ABHD10: variants seen among roughly 807,000 people sequenced by gnomAD.
ABHD10 encodes the protein palmitoyl-protein thioesterase ABHD10, mitochondrial.
A neutral mutation model predicts 33.1 loss-of-function variants in ABHD10; 22 were observed. The observed-to-expected ratio is 0.66, with a 90% CI of 0.47 to 0.95. The LOEUF (loss-of-function observed/expected upper bound fraction) is 0.95, where lower values mean the gene tolerates loss of function less well. Among genes scored for constraint, ABHD10 ranks in the 40% least tolerant of loss-of-function variants. ABHD10 has a pLI of 0.00. For synonymous variants in ABHD10, 146 were observed against 133.9 expected (o/e 1.09, Z -0.62); for missense variants, 352 against 379.9 (o/e 0.93, Z 0.61).
intron 4 of ABHD10, chr3:111,990,829 C>A (rs1018395390): frequency 5.1e-6 from 4 of 778,046 alleles, no homozygotes; most frequent in East Asian, 6.7e-5. Flanking sequence ...TCTCTTCTTT[C>A]CCTATGCCAT....
chr3:111,980,331 A>G (rs1166414599), intron 1 of ABHD10, among the ~76,000 whole-genome samples: 1 of 152,224 alleles, frequency 6.6e-6, no homozygotes, highest in South Asian at 2.1e-4. Flanking sequence ...CTTTGAAACA[A>G]GCTTTTATGT....
Position 111,987,056 on chromosome 3 carries a change from G to A in ABHD10, c.576+5G>A. 1 of 1,611,516 alleles carries A rather than the reference G, an allele frequency of 6.2e-7. No individual in the cohort carries two copies. Among genetic ancestry groups the A allele is most frequent in the Non-Finnish European group, 8.5e-7 (1 of 1,179,556 alleles). On this transcript the variant is annotated splice_donor_5th_base_variant and intron_variant, in intron 4 of 4. Coordinates refer to ENST00000273359, the MANE Select transcript of ABHD10 (RefSeq NM_018394.4). The stretch of plus-strand genomic sequence containing the variant: ...TTTAATCAGCTTCCTGTTGAGGTAA[G>A]TCAAAAGTCACTTTTGCCACCTCAA...
rs770493280 is a variant in ABHD10 at position 111,986,998 on chromosome 3, G to A, written c.523G>A (p.Val175Ile). The change falls in exon 4 of 5, where the codon GTA becomes ATA. Residue 175 changes from valine to isoleucine, a missense_variant. By Grantham distance (29) the Val-to-Ile change is conservative. Transcript: ENST00000273359. ...RPEKVVALIG[V>I]ATAADTLVTK... ...AGAGAAGGTCGTGGCTCTTATTGGT[G>A]TAGCTACAGCTGCAGATACCTTAGT... The A allele has an allele frequency of 6.2e-6, 10 of 1,613,142 alleles. No homozygotes were observed. The highest frequency in any genetic ancestry group is 1.7e-5 in the Admixed American group (1 of 59,750).
At position 111,981,426 on chromosome 3, in the gene ABHD10, G is replaced by C. The variant is rs576311022; in HGVS notation, c.143-358G>C. On this transcript the variant is annotated intron_variant, in intron 1 of 4. Coordinates refer to ENST00000273359, the MANE Select transcript of ABHD10 (RefSeq NM_018394.4). ...ACAAGAGAGGGCTGAAACTATTGCGGGTAAATCTGAATGTTGATTGATACT... is the reference window on the plus strand; with the variant it reads ...ACAAGAGAGGGCTGAAACTATTGCGCGTAAATCTGAATGTTGATTGATACT... Among the ~76,000 whole-genome samples the C allele has an allele frequency of 1.5e-3, 228 of 152,182 alleles. 1 individual carries two copies. The highest frequency in any genetic ancestry group is 0.011 in the South Asian group (55 of 4,822).
chr3:111,980,673 C>T (rs529346526), intron 1 of ABHD10, among the ~76,000 whole-genome samples: 1 of 152,214 alleles, frequency 6.6e-6, no homozygotes, highest in East Asian at 1.9e-4. Flanking sequence ...ATGAAGTTCA[C>T]CAATTGTACT....
At chr3:111,981,311 CAAAA>C (rs11301143) in intron 1 of ABHD10, among the ~76,000 whole-genome samples, 2 of 91,210 alleles carry the variant, frequency 2.2e-5, no homozygotes, top group African/African-American at 4.5e-5. Context: ...GACCCTGTCT[CAAAA>C]AAAAAAAAAA....
At chr3:111,984,586 A>G (rs1196409603) in intron 2 of ABHD10, among the ~76,000 whole-genome samples, 2 of 152,218 alleles carry the variant, frequency 1.3e-5, no homozygotes, top group Admixed American at 1.3e-4. Context: ...AGTAGTAAAA[A>G]AAAATTTACT....
At chr3:111,981,038 G>T (rs1377400139) in intron 1 of ABHD10, among the ~76,000 whole-genome samples, 2 of 152,008 alleles carry the variant, frequency 1.3e-5, no homozygotes, top group Non-Finnish European at 2.9e-5. Context: ...AGGCATGGTG[G>T]CTCACACCTG....
At chr3:111,990,887 T>C in intron 4 of ABHD10, 1 of 416,414 alleles carries the variant, frequency 2.4e-6, no homozygotes, top group Non-Finnish European at 4.1e-6. Flanking sequence ...AATTTTGAAA[T>C]CTAAACAATG....
intron 4 of ABHD10, among the ~76,000 whole-genome samples, chr3:111,989,374 T>A (rs2072713525): frequency 6.6e-6 from 1 of 152,242 alleles, no homozygotes. Flanking sequence ...GTACATTTTC[T>A]TTGGGTAATG....
chr3:111,986,320 G>A lies in ABHD10; in HGVS notation c.383G>A (p.Gly128Glu). Residue 128 changes from glycine to glutamate, a missense_variant, in exon 3 of 5, where the codon GGG (glycine) becomes GAG (glutamate). By Grantham distance (98) the Gly-to-Glu change is moderately conservative. Transcript: ENST00000273359. ...SDGNSEESTL[G>E]KWRKDVLSII... is the part of the protein sequence containing the mutation. ...GGTAACTCAGAGGAAAGCACACTGG[G>A]GAAATGGAGAAAAGATGTTCTTTCT... 11 of 1,614,072 alleles carry A rather than the reference G, an allele frequency of 6.8e-6. No homozygotes were observed. The highest frequency in any genetic ancestry group is 9.3e-6 in the Non-Finnish European group (11 of 1,179,950).
chr3:111,981,808 C>A lies in ABHD10; in HGVS notation c.167C>A (p.Ser56Ter). 2 of 1,579,968 alleles carry A rather than the reference C, an allele frequency of 1.3e-6. No homozygotes were observed. Among genetic ancestry groups the A allele is most frequent in the Non-Finnish European group, 8.7e-7 (1 of 1,155,662 alleles). The change falls in exon 2 of 5, where the codon TCA (serine) becomes TAA (stop). Residue 56 changes from serine to a stop codon, truncating the protein, a stop_gained. Transcript: ENST00000273359. LOFTEE classifies it high-confidence loss of function. ...GCTTGTAGACAAAAGACGTCACTCT[C>A]ATTCCTTAATCGACCAGACCTTCCA... ...LPACRQKTSL[S>*]FLNRPDLPNL...
intron 4 of ABHD10, chr3:111,990,678 T>G: frequency 7.8e-7 from 1 of 1,280,204 alleles, no homozygotes; most frequent in Non-Finnish European, 1.0e-6. Context: ...AGAACAAAAA[T>G]CAAATTTTTT....
At chr3:111,987,571 A>G (rs1044305419) in intron 4 of ABHD10, among the ~76,000 whole-genome samples, 11 of 152,318 alleles carry the variant, frequency 7.2e-5, no homozygotes, top group African/African-American at 2.6e-4. Flanking sequence ...ATGGTGTAGT[A>G]TTTGCACATA....
Position 111,986,250 on chromosome 3 carries a change from TCCCC to T in ABHD10, c.327-13_327-10del. 1.3e-6 allele frequency: 2 copies of T among 1,498,822 alleles called. No homozygotes were observed. The highest frequency in any genetic ancestry group is 1.7e-5 in the Admixed American group (1 of 57,374). The allele number at this position is 1,498,822 out of a possible 1,614,324, so 92.8% of individuals were successfully genotyped here. On this transcript the variant is annotated splice_polypyrimidine_tract_variant and intron_variant, in intron 2 of 4. Coordinates refer to ENST00000273359, the MANE Select transcript of ABHD10 (RefSeq NM_018394.4). ...ATAGATATTTAGATATAGATTTTTT[TCCCC>T]TTTTTCCAGGTTTGATTACTCAGGA...
chr3:111,980,217 G>A (rs703270), intron 1 of ABHD10, among the ~76,000 whole-genome samples: 152,289 of 152,360 alleles, frequency 1, 76,109 homozygotes, highest in Middle Eastern at 1. Context: ...AGAGGATAGT[G>A]AGAATTTTTT....
intron 2 of ABHD10, among the ~76,000 whole-genome samples, chr3:111,983,058 T>C (rs1408121048): frequency 1.3e-5 from 2 of 152,128 alleles, no homozygotes; most frequent in Non-Finnish European, 2.9e-5. Flanking sequence ...TATAAAACAT[T>C]GTACTTGCCT....
rs762370150 is a variant in ABHD10, at chr3:111,986,285, A to G, written c.348A>G (p.Gly116=). 1 of 1,613,484 alleles carries G rather than the reference A, an allele frequency of 6.2e-7. No individual in the cohort carries two copies. The highest frequency in any genetic ancestry group is 8.5e-7 in the Non-Finnish European group (1 of 1,179,508). The change falls in exon 3 of 5, where the codon GGA becomes GGG. Residue 116 remains glycine, a synonymous_variant. Transcript: ENST00000273359. ...CCAGGTTTGATTACTCAGGAGTTGG[A>G]AGTTCAGATGGTAACTCAGAGGAAA... is the stretch of plus-strand genomic sequence containing the variant. ...ACIRFDYSGV[G]SSDGNSEEST...
chr3:111,992,102 T>G lies in ABHD10; in HGVS notation c.*381T>G, dbSNP rs2072748508. 1 of 157,182 alleles carries G rather than the reference T, an allele frequency of 6.4e-6. No homozygotes were observed. Among genetic ancestry groups the G allele is most frequent in the Admixed American group, 6.5e-5 (1 of 15,348 alleles). The allele number at this position is 157,182 out of a possible 1,614,324, so 9.7% of individuals were successfully genotyped here. On this transcript the variant is annotated 3_prime_UTR_variant, in exon 5 of 5. Coordinates refer to ENST00000273359, the MANE Select transcript of ABHD10 (RefSeq NM_018394.4). ...AGACAGAAATTTGTAACATTACTTC[T>G]GATTTGAAAATGCAATTCACAAAAT... is the stretch of plus-strand genomic sequence containing the variant.
Sources: allele counts gnomAD v4.1 joint callset (sites outside exome capture counted in the v4.1 genomes callset), GRCh38; gene constraint gnomAD v4.1.1; transcripts MANE v1.5; gene names NCBI Gene and HGNC (gene_info 2026-07-23, HGNC 2026-07-21).